Variants in PRORP observed in about 807,000 individuals in gnomAD.
PRORP encodes mitochondrial ribonuclease P catalytic subunit.
A neutral mutation model predicts 59.4 loss-of-function variants in PRORP; 51 were observed. The observed-to-expected ratio is 0.86, with a 90% CI of 0.69 to 1.08. The LOEUF (loss-of-function observed/expected upper bound fraction) is 1.08. PRORP is among the 50% of genes least tolerant of loss of function. The pLI, the probability that PRORP is intolerant of heterozygous loss-of-function variation, is 0.00. For synonymous variants in PRORP, 231 were observed against 245.6 expected (o/e 0.94, Z 0.55); for missense variants, 646 against 690.3 (o/e 0.94, Z 0.72).
chr14:35,125,787 T>C (rs2047081666), intron 2 of PRORP, among the ~76,000 whole-genome samples: 1 of 152,162 alleles, frequency 6.6e-6, no homozygotes, highest in African/African-American at 2.4e-5. Context: ...TTTTAGAGAC[T>C]GAGGTGGGAG....
At chr14:35,177,777 C>T (rs1360549362) in intron 4 of PRORP, among the ~76,000 whole-genome samples, 2 of 151,834 alleles carry the variant, frequency 1.3e-5, no homozygotes, top group Non-Finnish European at 2.9e-5. Context: ...TATTTCTTGC[C>T]TTCTGCTAGC....
intron 4 of PRORP, among the ~76,000 whole-genome samples, chr14:35,150,357 A>G (rs2047714374): frequency 6.6e-6 from 1 of 152,324 alleles, no homozygotes; most frequent in Admixed American, 6.5e-5. Context: ...TGGTGGAGCA[A>G]TCAGAAGTCA....
At chr14:35,238,758 G>C (rs1248086515) in intron 5 of PRORP, among the ~76,000 whole-genome samples, 2 of 152,088 alleles carry the variant, frequency 1.3e-5, no homozygotes, top group Non-Finnish European at 2.9e-5. Context: ...CATTTTATCT[G>C]AAGGGCCAGA....
intron 5 of PRORP, among the ~76,000 whole-genome samples, chr14:35,217,399 G>A (rs984853025): frequency 6.6e-6 from 1 of 151,428 alleles, no homozygotes; most frequent in Non-Finnish European, 1.5e-5. Context: ...TATTTGGGAG[G>A]CTAAGGCAGG....
intron 4 of PRORP, among the ~76,000 whole-genome samples, chr14:35,150,653 A>G (rs1275372651): frequency 1.3e-5 from 2 of 152,104 alleles, no homozygotes; most frequent in Non-Finnish European, 2.9e-5. Context: ...AGGCTTTTTT[A>G]TGAGATTTAG....
intron 4 of PRORP, among the ~76,000 whole-genome samples, chr14:35,170,609 T>C (rs930359075): frequency 6.6e-6 from 1 of 152,200 alleles, no homozygotes; most frequent in African/African-American, 2.4e-5. Flanking sequence ...GCTTAAAACA[T>C]ATATTACATG....
chr14:35,255,462 G>T (rs1193470593), intron 5 of PRORP, among the ~76,000 whole-genome samples: 1 of 152,064 alleles, frequency 6.6e-6, no homozygotes, highest in Non-Finnish European at 1.5e-5. Context: ...TGTATTCCAA[G>T]TACCACATGC....
At chr14:35,246,218 A>G (rs1439523353) in intron 5 of PRORP, among the ~76,000 whole-genome samples, 1 of 152,134 alleles carries the variant, frequency 6.6e-6, no homozygotes, top group Admixed American at 6.5e-5. Flanking sequence ...CACGCAGACT[A>G]TTTCATTCTA....
chr14:35,130,717 T>C (rs8014091), intron 4 of PRORP, among the ~76,000 whole-genome samples: 58,081 of 151,520 alleles, frequency 0.38, 11,383 homozygotes, highest in Middle Eastern at 0.47. Context: ...CTCCCAACCT[T>C]ACTTTATCCA....
intron 5 of PRORP, among the ~76,000 whole-genome samples, chr14:35,253,653 T>C (rs2050675207): frequency 6.6e-6 from 1 of 152,142 alleles, no homozygotes; most frequent in Non-Finnish European, 1.5e-5. Context: ...CTGCCCCCTC[T>C]GGCATCATCA....
At chr14:35,251,529 T>G (rs998361120) in intron 5 of PRORP, among the ~76,000 whole-genome samples, 9 of 152,230 alleles carry the variant, frequency 5.9e-5, no homozygotes, top group African/African-American at 2.2e-4. Flanking sequence ...AAAAATTGTA[T>G]GTAAATAATG....
At chr14:35,168,671 T>C (rs2048242800) in intron 4 of PRORP, among the ~76,000 whole-genome samples, 1 of 152,214 alleles carries the variant, frequency 6.6e-6, no homozygotes, top group Non-Finnish European at 1.5e-5. Flanking sequence ...TTATCTGATA[T>C]TTCCTTATGA....
rs77593186 is a variant in PRORP at position 35,251,476 on chromosome 14, A to T, written c.1276-15251A>T. On this transcript the variant is annotated intron_variant, in intron 5 of 7. Coordinates refer to ENST00000534898, the MANE Select transcript of PRORP (RefSeq NM_014672.4). ...GACTTCCCTCATAAATTGCTATGAG[A>T]AATAATAGAAAATTATCGAAGATAA... Among the ~76,000 whole-genome samples, 302 of 152,342 alleles carry T rather than the reference A, an allele frequency of 2.0e-3. 1 individual carries two copies. The highest frequency in any genetic ancestry group is 7.0e-3 in the African/African-American group (292 of 41,570).
At position 35,270,486 on chromosome 14, in the gene PRORP, C is replaced by CT. The variant is rs751934096; in HGVS notation, c.1510_1511insT (p.His504LeufsTer7). On this transcript the variant is annotated frameshift_variant, in exon 7 of 8. Transcript: ENST00000534898. LOFTEE classifies it high-confidence loss of function. ...TATCACAAGAGACCTGATGCGGGAC[C>CT]ACAAGGCCTGTCTGCCTGATGCCAA... The CT allele has an allele frequency of 6.2e-7, 1 of 1,614,180 alleles. No individual in the cohort carries two copies. The highest frequency in any genetic ancestry group is 1.1e-5 in the South Asian group (1 of 91,086).
chr14:35,267,515 G>A (rs1203038400), intron 6 of PRORP, among the ~76,000 whole-genome samples: 3 of 152,200 alleles, frequency 2.0e-5, no homozygotes, highest in East Asian at 3.9e-4. Context: ...GATGCAGGCC[G>A]GGCTCAGCCT....
At chr14:35,180,608 G>A (rs2048579974) in intron 4 of PRORP, 62 bp from the exon 5 acceptor site, 1 of 916,236 alleles carries the variant, frequency 1.1e-6, no homozygotes, top group South Asian at 1.4e-5. Context: ...TCACTGCAGT[G>A]TGTTTATAAT....
At chr14:35,252,797 C>T (rs1319455145) in intron 5 of PRORP, among the ~76,000 whole-genome samples, 2 of 152,112 alleles carry the variant, frequency 1.3e-5, no homozygotes. Flanking sequence ...ACCTACATAC[C>T]ACATACACAC....
In PRORP at chr14:35,163,906, A is replaced by G. The variant is rs888343861; in HGVS notation, c.1168-16764A>G. ...TCTAGGATTTTTATAGTTTGAGGGT[A>G]TACATTTAAATCTTTAATCCATCTT... On this transcript the variant is annotated intron_variant, in intron 4 of 7. Transcript: ENST00000534898. Among the ~76,000 whole-genome samples the G allele has an allele frequency of 1.2e-4, 18 of 152,264 alleles. 1 individual carries two copies. The highest frequency in any genetic ancestry group is 3.4e-3 in the Middle Eastern group (1 of 294).
chr14:35,255,837 C>A (rs2050737493), intron 5 of PRORP, among the ~76,000 whole-genome samples: 1 of 152,088 alleles, frequency 6.6e-6, no homozygotes, highest in Non-Finnish European at 1.5e-5. Flanking sequence ...AGATAAAGAG[C>A]TTATACAGAG....
Sources: gnomAD v4.1 joint callset for allele counts (sites outside exome capture counted in the v4.1 genomes callset) on GRCh38, gnomAD v4.1.1 for gene constraint, MANE v1.5 for transcripts, NCBI Gene and HGNC (gene_info 2026-07-23, HGNC 2026-07-21) for gene names.